The following ALK variants were observed in gnomAD, a reference collection of about 807,000 sequenced individuals.
ALK encodes the protein ALK receptor tyrosine kinase.
Under a neutral mutation model 163.1 loss-of-function variants are expected in ALK, and 74 were observed. The observed-to-expected ratio is 0.45, with a 90% CI of 0.38 to 0.55. ALK has a LOEUF of 0.55. ALK is among the 20% of genes least tolerant of loss of function. ALK has a pLI of 0.00. For missense variants in ALK, 2,063 were observed against 2,105.3 expected (o/e 0.98, Z 0.39); for synonymous variants, 960 against 843.2 (o/e 1.14, Z -2.40).
chr2:29,428,927 C>A (rs961046072), intron 4 of ALK, among the ~76,000 whole-genome samples: 4 of 151,932 alleles, frequency 2.6e-5, no homozygotes, highest in African/African-American at 9.7e-5. Context: ...ACCAATTAGG[C>A]TTTATTACAA....
intron 4 of ALK, among the ~76,000 whole-genome samples, chr2:29,461,995 C>T (rs1392855404): frequency 2.0e-5 from 3 of 152,068 alleles, no homozygotes; most frequent in South Asian, 2.1e-4. Flanking sequence ...CCATCCCTCA[C>T]GGATGACTTT....
At position 29,789,200 on chromosome 2, in the gene ALK, T is replaced by A. The variant is rs181587052; in HGVS notation, c.668-71503A>T. Among the ~76,000 whole-genome samples the A allele has an allele frequency of 1.2e-4, 19 of 152,332 alleles. No individual in the cohort carries two copies. In the East Asian group the frequency reaches 3.5e-3, roughly 28 times the overall value. On this transcript the variant is annotated intron_variant, in intron 1 of 28. Transcript: ENST00000389048. ...GATGAACTCTTGAATCTCTAATGCT[T>A]GTAATGCTAGAGGATATCATTTCAT...
intron 5 of ALK, among the ~76,000 whole-genome samples, chr2:29,335,259 T>C (rs1667576086): frequency 6.6e-6 from 1 of 152,190 alleles, no homozygotes; most frequent in African/African-American, 2.4e-5. Context: ...TGAGGGTCCT[T>C]TCTACGGGAA....
intron 4 of ALK, among the ~76,000 whole-genome samples, chr2:29,391,053 G>T (rs942475492): frequency 6.6e-6 from 1 of 152,122 alleles, no homozygotes; most frequent in Non-Finnish European, 1.5e-5. Context: ...GCTCTGTAGG[G>T]GGGGCCAAGG....
intron 1 of ALK, among the ~76,000 whole-genome samples, chr2:29,844,213 G>A (rs1337786017): frequency 2.0e-5 from 3 of 152,150 alleles, no homozygotes; most frequent in Admixed American, 2.0e-4. Flanking sequence ...AGAAAACAAC[G>A]CATGCATATG....
intron 1 of ALK, among the ~76,000 whole-genome samples, chr2:29,844,859 GCACA>G (rs34706620): frequency 8.1e-4 from 120 of 148,738 alleles, no homozygotes; most frequent in East Asian, 2.8e-3. Flanking sequence ...TAACCCCCCT[GCACA>G]CACACACACA....
At chr2:29,744,042 C>T (rs1345884696) in intron 1 of ALK, among the ~76,000 whole-genome samples, 2 of 151,880 alleles carry the variant, frequency 1.3e-5, no homozygotes, top group Non-Finnish European at 2.9e-5. Flanking sequence ...CCACTGCATG[C>T]AAAACTTAGG....
intron 1 of ALK, among the ~76,000 whole-genome samples, chr2:29,727,648 TTACTAAGGG>T (rs766800919): frequency 3.3e-4 from 51 of 152,246 alleles, no homozygotes; most frequent in Admixed American, 8.5e-4. Context: ...CCTTGTGCTT[TTACTAAGGG>T]GTATTGGCAT....
chr2:29,794,402 A>G (rs1664257587), intron 1 of ALK, among the ~76,000 whole-genome samples: 2 of 152,172 alleles, frequency 1.3e-5, no homozygotes, highest in South Asian at 2.1e-4. Context: ...TTTAAAAAAA[A>G]TCATTTGTGT....
chr2:29,460,003 C>T (rs1052996037), intron 4 of ALK, among the ~76,000 whole-genome samples: 10 of 152,140 alleles, frequency 6.6e-5, no homozygotes, highest in Admixed American at 3.9e-4. Context: ...AGCAAGTACA[C>T]AGTGGATCCT....
intron 4 of ALK, among the ~76,000 whole-genome samples, chr2:29,385,859 T>C (rs929254411): frequency 1.3e-5 from 2 of 152,256 alleles, no homozygotes; most frequent in African/African-American, 4.8e-5. Flanking sequence ...GATTTTTTCT[T>C]GATCATGATT....
At chr2:29,772,786 G>T (rs1278804367) in intron 1 of ALK, among the ~76,000 whole-genome samples, 1 of 152,158 alleles carries the variant, frequency 6.6e-6, no homozygotes, top group Non-Finnish European at 1.5e-5. Flanking sequence ...TAACATGTTA[G>T]AACTTAAAGA....
Position 29,499,838 on chromosome 2 carries a change from C to T in ALK, c.1154+32077G>A, listed in dbSNP as rs564836717. On this transcript the variant is annotated intron_variant, in intron 4 of 28. Transcript: ENST00000389048. Reference sequence around the variant, plus strand: ...GCCATAGATCTGACTCCAGCTTCAGCAGGCCCTTTCTCTTGTCACCCTTGC... The same window carrying T: ...GCCATAGATCTGACTCCAGCTTCAGTAGGCCCTTTCTCTTGTCACCCTTGC... Among the ~76,000 whole-genome samples, 5 of 152,228 alleles carry T rather than the reference C, an allele frequency of 3.3e-5. No homozygotes were observed. In the South Asian group the frequency reaches 6.2e-4, roughly 19 times the overall value.
At chr2:29,435,418 C>A (rs751917240) in intron 4 of ALK, among the ~76,000 whole-genome samples, 23 of 151,878 alleles carry the variant, frequency 1.5e-4, no homozygotes, top group Admixed American at 4.6e-4. Context: ...CAGATGCCAC[C>A]AACAAGAGGA....
chr2:29,474,412 G>GA (rs1302784038), intron 4 of ALK, among the ~76,000 whole-genome samples: 76 of 152,284 alleles, frequency 5.0e-4, no homozygotes, highest in African/African-American at 1.8e-3. Flanking sequence ...TTCCATGAAT[G>GA]ATTTCCTTTT....
intron 5 of ALK, among the ~76,000 whole-genome samples, chr2:29,382,857 C>A (rs1233852962): frequency 2.6e-5 from 4 of 152,080 alleles, no homozygotes; most frequent in Admixed American, 2.6e-4. Context: ...ACAACGAAAA[C>A]AAAATACACT....
At chr2:29,338,661 C>T (rs544895466) in intron 5 of ALK, among the ~76,000 whole-genome samples, 27 of 152,348 alleles carry the variant, frequency 1.8e-4, no homozygotes, top group African/African-American at 5.1e-4. Context: ...GCATTGCCAG[C>T]TTCTCCCACT....
At chr2:29,327,601 T>C (rs1667306762) in intron 6 of ALK, among the ~76,000 whole-genome samples, 1 of 152,150 alleles carries the variant, frequency 6.6e-6, no homozygotes, top group East Asian at 1.9e-4. Flanking sequence ...CAGGTTCCTT[T>C]TCGGGGTGAT....
intron 3 of ALK, among the ~76,000 whole-genome samples, chr2:29,684,709 C>T (rs1678185787): frequency 6.6e-6 from 1 of 152,188 alleles, no homozygotes; most frequent in Non-Finnish European, 1.5e-5. Flanking sequence ...ATGCCCCAAA[C>T]TTCTGAATGT....
Sources: gnomAD v4.1 joint callset for allele counts (sites outside exome capture counted in the v4.1 genomes callset) on GRCh38, gnomAD v4.1.1 for gene constraint, MANE v1.5 for transcripts, NCBI Gene and HGNC (gene_info 2026-07-23, HGNC 2026-07-21) for gene names.